The following TEX9 variants were observed in gnomAD, a reference collection of about 807,000 sequenced individuals.
The protein encoded by TEX9 is testis-expressed protein 9.
In TEX9, 74 loss-of-function variants were observed where a neutral mutation model predicts 59.6. That is an observed-to-expected ratio of 1.24 (90% confidence interval 1.03 to 1.51). TEX9 has a LOEUF of 1.51. TEX9 is among the 40% of genes most tolerant of loss of function. TEX9 has a pLI of 0.00. For synonymous variants in TEX9, 186 were observed against 152.2 expected (o/e 1.22, Z -1.64); for missense variants, 522 against 447.8 (o/e 1.17, Z -1.49).
At position 56,346,022 on chromosome 15, in the gene TEX9, C is replaced by T. The variant is rs562971150; in HGVS notation, c.-106-27419C>T. Among the ~76,000 whole-genome samples the T allele has an allele frequency of 2.0e-5, 3 of 152,264 alleles. No homozygotes were observed. The South Asian group carries it at 6.2e-4, about 32-fold the overall frequency. On this transcript the variant is annotated intron_variant, in intron 1 of 5. Transcript: ENST00000560827. ...TGGAGTGCCTATCATAAGTGGGAAT[C>T]AGGATACATGGCAGTGCCAAATACA...
chr15:56,294,901 A>G (rs1371859856), intron 1 of TEX9, among the ~76,000 whole-genome samples: 1 of 152,166 alleles, frequency 6.6e-6, no homozygotes, highest in Non-Finnish European at 1.5e-5. Context: ...CAAGGTAGAG[A>G]CTGACAAGGG....
intron 3 of TEX9, 89 bp from the exon 4 acceptor site, chr15:56,383,863 A>G (rs1271398024): frequency 3.3e-6 from 3 of 897,854 alleles, no homozygotes; most frequent in Non-Finnish European, 5.1e-6. Flanking sequence ...CAATTCTGAA[A>G]TGATGAATGT....
intron 2 of TEX9, among the ~76,000 whole-genome samples, chr15:56,366,172 T>A (rs1022718898): frequency 2.0e-5 from 3 of 152,218 alleles, no homozygotes; most frequent in Non-Finnish European, 4.4e-5. Flanking sequence ...CTGACAACGG[T>A]GCTTTCATTC....
intron 1 of TEX9, among the ~76,000 whole-genome samples, chr15:56,338,689 G>C (rs945738007): frequency 2.6e-5 from 4 of 152,188 alleles, no homozygotes; most frequent in Non-Finnish European, 5.9e-5. Flanking sequence ...GGCCAAGGTG[G>C]GTGGATCACC....
chr15:56,331,959 G>A (rs1208467956), intron 1 of TEX9, among the ~76,000 whole-genome samples: 14 of 131,202 alleles, frequency 1.1e-4, no homozygotes, highest in African/African-American at 2.3e-4. Context: ...TCATTAAAAA[G>A]TCAGGAAACA....
In TEX9 at chr15:56,420,228, T is replaced by A. The variant is rs28659963; in HGVS notation, c.964-7377T>A. Among the ~76,000 whole-genome samples, 490 of 151,890 alleles carry A rather than the reference T, an allele frequency of 3.2e-3. 2 individuals are homozygous for A. The highest frequency in any genetic ancestry group is 5.6e-3 in the Non-Finnish European group (380 of 68,014). ...TATTGATTTTCCTCTACTGATTTTT[T>A]ATTTTTTTTATTGATTTCTGCTCTT... On this transcript the variant is annotated intron_variant, in intron 10 of 12. Transcript: ENST00000352903.
At chr15:56,251,553 A>C (rs2044017867) in intron 1 of TEX9, among the ~76,000 whole-genome samples, 1 of 152,208 alleles carries the variant, frequency 6.6e-6, no homozygotes, top group African/African-American at 2.4e-5. Flanking sequence ...TAAGGAGAGA[A>C]GGTTAGGCAG....
chr15:56,320,835 G>C (rs1348977861), intron 1 of TEX9, among the ~76,000 whole-genome samples: 1 of 152,054 alleles, frequency 6.6e-6, no homozygotes, highest in Non-Finnish European at 1.5e-5. Context: ...AATACTAAAG[G>C]GCTCCTTTGT....
At chr15:56,400,911 T>TAAA (rs1299401161) in intron 9 of TEX9, among the ~76,000 whole-genome samples, 1 of 152,076 alleles carries the variant, frequency 6.6e-6, no homozygotes, top group African/African-American at 2.4e-5. Flanking sequence ...AATAAAATCC[T>TAAA]TTACAGACAA....
chr15:56,388,391 T>A, intron 4 of TEX9, 81 bp from the exon 5 acceptor site: 1 of 1,131,982 alleles, frequency 8.8e-7, no homozygotes, highest in East Asian at 2.4e-5. Flanking sequence ...TATTTTCCCT[T>A]TCAAATATAA....
intron 2 of TEX9, 145 bp downstream of exon 2, chr15:56,365,815 T>A (rs1031398093): frequency 9.7e-5 from 140 of 1,450,254 alleles, no homozygotes; most frequent in Non-Finnish European, 1.2e-4. Context: ...CACCTGCCGT[T>A]TATCCTTTCT....
intron 12 of TEX9, among the ~76,000 whole-genome samples, chr15:56,435,979 T>C (rs1437209721): frequency 6.6e-6 from 1 of 152,080 alleles, no homozygotes; most frequent in Non-Finnish European, 1.5e-5. Flanking sequence ...GATGCAAGAC[T>C]GGTTCAATAC....
At chr15:56,439,788 A>G (rs1378758922) in intron 12 of TEX9, among the ~76,000 whole-genome samples, 1 of 151,598 alleles carries the variant, frequency 6.6e-6, no homozygotes, top group East Asian at 1.9e-4. Context: ...ACACACACAC[A>G]CACACAAACC....
chr15:56,272,839 T>C (rs1165364074), intron 1 of TEX9, among the ~76,000 whole-genome samples: 1 of 152,168 alleles, frequency 6.6e-6, no homozygotes, highest in African/African-American at 2.4e-5. Context: ...ATCTTGCTAG[T>C]TGTCTGCTAT....
chr15:56,323,035 C>CA (rs1457220704), intron 1 of TEX9, among the ~76,000 whole-genome samples: 1 of 152,020 alleles, frequency 6.6e-6, no homozygotes, highest in African/African-American at 2.4e-5. Context: ...CACTGAGCTC[C>CA]ATAGAGACAG....
At chr15:56,412,071 C>T (rs988846938) in intron 9 of TEX9, among the ~76,000 whole-genome samples, 3 of 151,990 alleles carry the variant, frequency 2.0e-5, no homozygotes, top group Non-Finnish European at 4.4e-5. Flanking sequence ...TTTGAAAGCC[C>T]GGTTCACAAC....
chr15:56,300,101 G>A lies in TEX9; in HGVS notation c.-107+55823G>A, dbSNP rs1054672254. On this transcript the variant is annotated intron_variant, in intron 1 of 5. Coordinates refer to the TEX9 transcript ENST00000560827. Reference sequence around the variant, plus strand: ...CAGTTCCAGTCCTTCACTCCTGGATGGCATTTTTTGAACCGCCCTGGACCA... The same window carrying A: ...CAGTTCCAGTCCTTCACTCCTGGATAGCATTTTTTGAACCGCCCTGGACCA... Among the ~76,000 whole-genome samples the A allele has an allele frequency of 3.9e-5, 6 of 152,226 alleles. No individual in the cohort carries two copies. In the East Asian group the frequency reaches 7.7e-4, roughly 20 times the overall value.
chr15:56,380,641 G>C (rs1004081744), intron 3 of TEX9, among the ~76,000 whole-genome samples: 1 of 152,086 alleles, frequency 6.6e-6, no homozygotes, highest in Non-Finnish European at 1.5e-5. Flanking sequence ...TTCTGGGAAG[G>C]TCTGTTATTA....
rs570795050 is a variant in TEX9, at chr15:56,315,857, T to C, written c.-106-57584T>C. 4.7e-5 allele frequency among the ~76,000 whole-genome samples: 7 copies of C among 149,778 alleles called. No homozygotes were observed. In the South Asian group the frequency reaches 8.4e-4, roughly 18 times the overall value. ...TGGAGGCTTTGCTCATTTCTTTTTA[T>C]TATTTTTTCTCTAAACTTCCCTTCT... On this transcript the variant is annotated intron_variant, in intron 1 of 5. Coordinates refer to the TEX9 transcript ENST00000560827.
Sources: allele counts gnomAD v4.1 joint callset (sites outside exome capture counted in the v4.1 genomes callset), GRCh38; gene constraint gnomAD v4.1.1; transcripts MANE v1.5; gene names NCBI Gene and HGNC (gene_info 2026-07-23, HGNC 2026-07-21).